The following HAVCR1 variants were observed in gnomAD, a reference collection of about 807,000 sequenced individuals.
HAVCR1 encodes the protein hepatitis A virus cellular receptor 1, also known as T cell immunoglobin domain and mucin domain protein 1.
HAVCR1 carries 34 observed loss-of-function variants against 32.0 expected under a neutral mutation model. The observed-to-expected ratio is 1.06, with a 90% CI of 0.81 to 1.42. The LOEUF is 1.42. HAVCR1 is among the 40% of genes most tolerant of loss of function. The pLI is 0.00. For synonymous variants in HAVCR1, 178 were observed against 170.3 expected (o/e 1.05, Z -0.35); for missense variants, 420 against 442.3 (o/e 0.95, Z 0.45).
Position 157,029,428 on chromosome 5 carries a change from A to C in HAVCR1, c.*305T>G, listed in dbSNP as rs1754034424. The stretch of plus-strand genomic sequence containing the variant: ...CCAGGGACTATTCTCTTTGATGTAT[A>C]CAGGATTTATGGGGTCTAAAAAGAA... On this transcript the variant is annotated 3_prime_UTR_variant, in exon 9 of 9. Coordinates refer to ENST00000523175, the MANE Select transcript of HAVCR1 (RefSeq NM_001173393.3). 3 of 613,618 alleles carry C rather than the reference A, an allele frequency of 4.9e-6. No homozygotes were observed. The highest frequency in any genetic ancestry group is 8.6e-6 in the Non-Finnish European group (3 of 350,190). 38.0% of individuals were successfully genotyped at this position (613,618 alleles called of 1,614,324 possible).
At chr5:157,047,161 C>A (rs138226685) in intron 5 of HAVCR1, among the ~76,000 whole-genome samples, 2 of 152,110 alleles carry the variant, frequency 1.3e-5, no homozygotes, top group Non-Finnish European at 2.9e-5. Context: ...CTTTAATTTC[C>A]CCCGCCTTTC....
intron 6 of HAVCR1, 133 bp from the exon 7 acceptor site, chr5:157,037,494 C>T (rs1754609803): frequency 1.7e-6 from 1 of 593,804 alleles, no homozygotes. Context: ...AAGGGTAAGA[C>T]CAAATGATCT....
intron 5 of HAVCR1, among the ~76,000 whole-genome samples, chr5:157,047,485 G>A (rs1378424810): frequency 1.3e-5 from 2 of 151,968 alleles, no homozygotes; most frequent in Non-Finnish European, 2.9e-5. Flanking sequence ...TGGGAGCAGA[G>A]GTTGCAGTGA....
intron 2 of HAVCR1, among the ~76,000 whole-genome samples, chr5:157,057,132 T>C (rs1378020708): frequency 1.3e-5 from 2 of 151,828 alleles, no homozygotes; most frequent in African/African-American, 2.4e-5. Context: ...TTGGCCAAGA[T>C]GGGGAAACCT....
chr5:157,063,281 T>TAACTTTTAACTGAAAAATAAATA, upstream of HAVCR1, among the ~76,000 whole-genome samples: 1 of 133,614 alleles, frequency 7.5e-6, no homozygotes. Context: ...CTCATGTAAC[T>TAACTTTTAACTGAAAAATAAATA]TACATTTTTT....
intron 6 of HAVCR1, among the ~76,000 whole-genome samples, chr5:157,038,246 C>A (rs1754656903): frequency 6.6e-6 from 1 of 152,106 alleles, no homozygotes; most frequent in African/African-American, 2.4e-5. Flanking sequence ...TTGTTTAAGT[C>A]TTCTGGTGCC....
intron 2 of HAVCR1, among the ~76,000 whole-genome samples, chr5:157,056,491 C>G (rs4073553): frequency 6.6e-6 from 1 of 151,100 alleles, no homozygotes; most frequent in Non-Finnish European, 1.5e-5. Flanking sequence ...GCCATTCTCC[C>G]GCCTCAGCCT....
chr5:157,047,389 T>C (rs1755466114), intron 5 of HAVCR1, among the ~76,000 whole-genome samples: 1 of 152,022 alleles, frequency 6.6e-6, no homozygotes, highest in Non-Finnish European at 1.5e-5. Context: ...CCATCTCTAC[T>C]AAAAATACAA....
At chr5:157,065,495 G>T in the HAVCR1 span, among the ~76,000 whole-genome samples, 1 of 152,226 alleles carries the variant, frequency 6.6e-6, no homozygotes, top group Non-Finnish European at 1.5e-5. Context: ...GGGGCAGGCT[G>T]ATAACTTAAG....
chr5:157,040,208 G>C (rs1018102021), intron 6 of HAVCR1, among the ~76,000 whole-genome samples: 1 of 95,010 alleles, frequency 1.1e-5, no homozygotes, highest in African/African-American at 2.9e-5. Flanking sequence ...TGAGGCAGGA[G>C]AATTGCTTGA....
intron 7 of HAVCR1, among the ~76,000 whole-genome samples, chr5:157,034,308 C>T (rs1754395488): frequency 6.6e-6 from 1 of 151,856 alleles, no homozygotes; most frequent in Non-Finnish European, 1.5e-5. Context: ...AGGAAAGGTG[C>T]TGTGCCTCGA....
At chr5:157,041,614 T>C (rs1011658287) in intron 6 of HAVCR1, among the ~76,000 whole-genome samples, 1 of 152,092 alleles carries the variant, frequency 6.6e-6, no homozygotes, top group African/African-American at 2.4e-5. Context: ...GTAGGGAAAA[T>C]ATATTAGGAA....
At chr5:157,035,582 C>G (rs1754476745) in intron 7 of HAVCR1, among the ~76,000 whole-genome samples, 3 of 152,010 alleles carry the variant, frequency 2.0e-5, no homozygotes, top group African/African-American at 7.3e-5. Context: ...GCCTCTTCTG[C>G]TAAATGAGTG....
chr5:157,044,615 G>GAGAAAGAAAGAAAGAA (rs1554090477), intron 5 of HAVCR1, among the ~76,000 whole-genome samples: 15 of 52,728 alleles, frequency 2.8e-4, no homozygotes, highest in Non-Finnish European at 3.9e-4. Flanking sequence ...AAGAAAGAAA[G>GAGAAAGAAAGAAAGAA]AGAAAGAAAG....
chr5:157,044,035 G>A (rs1250541308), intron 5 of HAVCR1, among the ~76,000 whole-genome samples: 1 of 151,992 alleles, frequency 6.6e-6, no homozygotes, highest in Admixed American at 6.6e-5. Flanking sequence ...AGGCTTCCTA[G>A]AAAGCCAAAG....
Position 157,055,544 on chromosome 5 carries a change from G to A in HAVCR1, c.47-11C>T. 1 of 1,510,208 alleles carries A rather than the reference G, an allele frequency of 6.6e-7. No individual in the cohort carries two copies. 93.6% of individuals were successfully genotyped at this position (1,510,208 alleles called of 1,614,324 possible). A position where few individuals can be genotyped will look rare whatever the true frequency, so the allele number is the denominator to read the frequency against. ...AACCAGCTACAGAATCTGCAAAGAA[G>A]AAAAGACAAACTGAGAATGAGCCCT... On this transcript the variant is annotated splice_polypyrimidine_tract_variant and intron_variant, in intron 2 of 8. Coordinates refer to ENST00000523175, the MANE Select transcript of HAVCR1 (RefSeq NM_001173393.3).
chr5:157,045,392 T>C (rs1051877673), intron 5 of HAVCR1, among the ~76,000 whole-genome samples: 2 of 152,202 alleles, frequency 1.3e-5, no homozygotes, highest in African/African-American at 4.8e-5. Flanking sequence ...GCATGTAAAG[T>C]GGTTGGCACT....
chr5:157,052,022 T>C (rs975013578), intron 4 of HAVCR1, among the ~76,000 whole-genome samples: 16 of 152,250 alleles, frequency 1.1e-4, no homozygotes, highest in Admixed American at 1.0e-3. Context: ...TTCTCTGGCA[T>C]TCCCTGTGTT....
rs569540228 is a variant in HAVCR1, at chr5:157,056,615, C to T, written c.47-1082G>A. 5.6e-3 allele frequency among the ~76,000 whole-genome samples: 837 copies of T among 150,690 alleles called. 8 individuals are homozygous for T. The highest frequency in any genetic ancestry group is 0.019 in the African/African-American group (798 of 41,056). On this transcript the variant is annotated intron_variant, in intron 2 of 8. Coordinates refer to ENST00000523175, the MANE Select transcript of HAVCR1 (RefSeq NM_001173393.3). ...CAGGATGGTCTCGATTTCCTGACCT[C>T]GTGATCTGCCCGCCTTGGCCTCCCA...
Sources: gnomAD v4.1 joint callset for allele counts (sites outside exome capture counted in the v4.1 genomes callset) on GRCh38, gnomAD v4.1.1 for gene constraint, MANE v1.5 for transcripts, NCBI Gene and HGNC (gene_info 2026-07-23, HGNC 2026-07-21) for gene names.